The following ESRRG variants were observed in gnomAD, a reference collection of about 807,000 sequenced individuals.
ESRRG encodes estrogen related receptor gamma.
A neutral mutation model predicts 44.0 loss-of-function variants in ESRRG; 13 were observed. The observed-to-expected ratio is 0.30, with a 90% CI of 0.19 to 0.47. The LOEUF is 0.47. Ranked by LOEUF, ESRRG falls within the 20% of genes least tolerant of loss-of-function variation. ESRRG has a pLI of 1.00. For synonymous variants in ESRRG, 215 were observed against 214.6 expected, an observed-to-expected ratio of 1.00 and a Z score of -0.02; for missense variants, 395 against 580.6, an observed-to-expected ratio of 0.68 and a Z score of 3.29.
At chr1:216,582,283 C>G (rs1204103767) in intron 3 of ESRRG, among the ~76,000 whole-genome samples, 1 of 152,020 alleles carries the variant, frequency 6.6e-6, no homozygotes, top group Non-Finnish European at 1.5e-5. Flanking sequence ...GTCCAAAAAC[C>G]CCTCCTAAAG....
At chr1:216,510,040 G>C (rs575727143) in intron 6 of ESRRG, among the ~76,000 whole-genome samples, 41 of 152,246 alleles carry the variant, frequency 2.7e-4, no homozygotes, top group African/African-American at 9.9e-4. Flanking sequence ...AATATTCCTA[G>C]TATTTGTGCT....
chr1:217,120,462 T>TC (rs2092803951), intron 1 of ESRRG, among the ~76,000 whole-genome samples: 1 of 146,340 alleles, frequency 6.8e-6, no homozygotes, highest in African/African-American at 2.6e-5. Context: ...AATGAACTCT[T>TC]CCAAAAAAAA....
intron 1 of ESRRG, among the ~76,000 whole-genome samples, chr1:216,703,335 T>A (rs1037053451): frequency 2.2e-4 from 34 of 152,288 alleles, no homozygotes; most frequent in African/African-American, 7.7e-4. Context: ...AATCTTATAA[T>A]GTTTTAAGAA....
At chr1:217,095,999 A>C (rs946097444) in intron 1 of ESRRG, among the ~76,000 whole-genome samples, 1 of 152,268 alleles carries the variant, frequency 6.6e-6, no homozygotes, top group Admixed American at 6.5e-5. Context: ...AAAGTGTGAA[A>C]AATTATAAAT....
At chr1:216,655,011 A>C (rs2070089764) in intron 2 of ESRRG, among the ~76,000 whole-genome samples, 1 of 152,226 alleles carries the variant, frequency 6.6e-6, no homozygotes, top group African/African-American at 2.4e-5. Flanking sequence ...AAATCTCTTC[A>C]AAAGGCAGAA....
At chr1:216,961,928 T>C (rs1178325422) in intron 1 of ESRRG, among the ~76,000 whole-genome samples, 1 of 152,190 alleles carries the variant, frequency 6.6e-6, no homozygotes, top group East Asian at 1.9e-4. Context: ...CCACAGATTA[T>C]TCACTTTAAA....
chr1:217,065,487 G>T (rs2089476839), intron 1 of ESRRG, among the ~76,000 whole-genome samples: 1 of 152,144 alleles, frequency 6.6e-6, no homozygotes, highest in African/African-American at 2.4e-5. Flanking sequence ...GGTTTCAGTG[G>T]ATCTGACCCA....
At chr1:216,639,821 G>T (rs1044818811) in intron 3 of ESRRG, among the ~76,000 whole-genome samples, 1 of 152,120 alleles carries the variant, frequency 6.6e-6, no homozygotes, top group Non-Finnish European at 1.5e-5. Context: ...CCCTCCCTTT[G>T]GGTTTTGCCA....
intron 2 of ESRRG, chr1:216,863,183 A>T (rs1179560968): frequency 6.6e-6 from 1 of 152,116 alleles, no homozygotes; most frequent in Non-Finnish European, 1.5e-5. Flanking sequence ...GAGCTTAAGG[A>T]TCTGCATTTC....
At chr1:216,795,312 CTTATT>C (rs2094441780) in intron 2 of ESRRG, among the ~76,000 whole-genome samples, 1 of 140,084 alleles carries the variant, frequency 7.1e-6, no homozygotes, top group Non-Finnish European at 1.6e-5. Flanking sequence ...TTTTATTTTA[CTTATT>C]TTATTTTATG....
At chr1:216,872,780 A>G in intron 2 of ESRRG, among the ~76,000 whole-genome samples, 1 of 152,202 alleles carries the variant, frequency 6.6e-6, no homozygotes, top group East Asian at 1.9e-4. Context: ...AGAAAAGTCC[A>G]ACATCTGTAT....
chr1:216,759,992 C>T (rs1279166536), intron 2 of ESRRG, among the ~76,000 whole-genome samples: 1 of 151,996 alleles, frequency 6.6e-6, no homozygotes, highest in African/African-American at 2.4e-5. Context: ...AGGGGTATGC[C>T]CCCATTCACT....
intron 2 of ESRRG, among the ~76,000 whole-genome samples, chr1:216,935,488 T>C (rs992739486): frequency 3.3e-5 from 5 of 152,276 alleles, no homozygotes; most frequent in African/African-American, 1.2e-4. Context: ...AAGAGGTGCA[T>C]AGGGCAAGGT....
At chr1:216,772,516 T>C (rs1052247767) in intron 2 of ESRRG, among the ~76,000 whole-genome samples, 2 of 152,246 alleles carry the variant, frequency 1.3e-5, no homozygotes, top group South Asian at 2.1e-4. Flanking sequence ...CACTAACATA[T>C]GAACACTGAT....
intron 6 of ESRRG, among the ~76,000 whole-genome samples, chr1:216,518,595 C>T (rs966470505): frequency 6.6e-6 from 1 of 152,158 alleles, no homozygotes; most frequent in African/African-American, 2.4e-5. Flanking sequence ...TTAGAGGTTG[C>T]TATTTTAGCA....
intron 5 of ESRRG, among the ~76,000 whole-genome samples, chr1:216,521,570 G>A (rs1012535487): frequency 1.3e-5 from 2 of 152,112 alleles, no homozygotes; most frequent in Non-Finnish European, 2.9e-5. Context: ...AGCAGCAGAT[G>A]GACAGAGCGT....
chr1:216,587,528 A>G (rs1330035450), intron 3 of ESRRG, among the ~76,000 whole-genome samples: 2 of 152,196 alleles, frequency 1.3e-5, no homozygotes, highest in African/African-American at 2.4e-5. Context: ...ATTAAGAAAC[A>G]TGAATATGTA....
At chr1:216,801,292 C>A (rs11572606) in intron 2 of ESRRG, among the ~76,000 whole-genome samples, 1 of 152,080 alleles carries the variant, frequency 6.6e-6, no homozygotes, top group Non-Finnish European at 1.5e-5. Flanking sequence ...TGGACTCGAA[C>A]CCCTGTCTTC....
At chr1:216,935,692 C>T (rs1224857417) in intron 2 of ESRRG, among the ~76,000 whole-genome samples, 4 of 151,934 alleles carry the variant, frequency 2.6e-5, no homozygotes, top group East Asian at 1.9e-4. Context: ...TCTTGGGTCA[C>T]TGCAACCTCT....
Sources: gnomAD v4.1 joint callset for allele counts (sites outside exome capture counted in the v4.1 genomes callset) on GRCh38, gnomAD v4.1.1 for gene constraint, MANE v1.5 for transcripts, NCBI Gene and HGNC (gene_info 2026-07-23, HGNC 2026-07-21) for gene names.